HS3ST3A1: variants seen among roughly 807,000 people sequenced by gnomAD.
HS3ST3A1 encodes the protein heparan sulfate glucosamine 3-O-sulfotransferase 3A1.
Under a neutral mutation model 25.7 loss-of-function variants are expected in HS3ST3A1, and 19 were observed. That is an observed-to-expected ratio of 0.74 (90% CI 0.52 to 1.08). HS3ST3A1 has a LOEUF of 1.08. HS3ST3A1 is among the 50% of genes least tolerant of loss of function. The pLI is 0.00. For synonymous variants in HS3ST3A1, 226 were observed against 278.6 expected, an observed-to-expected ratio of 0.81 and a Z score of 1.88; for missense variants, 459 against 594.3, an observed-to-expected ratio of 0.77 and a Z score of 2.37.
At chr17:13,520,885 C>G (rs1906213344) in intron 1 of HS3ST3A1, among the ~76,000 whole-genome samples, 4 of 152,020 alleles carry the variant, frequency 2.6e-5, no homozygotes, top group Admixed American at 1.3e-4. Context: ...GTGGTGGGAT[C>G]ATTTAGATTT....
rs1319074484 is a variant in HS3ST3A1, at chr17:13,494,216, T to C, written c.*1981A>G. Among the ~76,000 whole-genome samples the C allele has an allele frequency of 6.6e-6, 1 of 152,214 alleles. No individual in the cohort carries two copies. Among genetic ancestry groups the C allele is most frequent in the Admixed American group, 6.5e-5 (1 of 15,278 alleles). On this transcript the variant is annotated 3_prime_UTR_variant, in exon 2 of 2. Coordinates refer to ENST00000284110, the MANE Select transcript of HS3ST3A1 (RefSeq NM_006042.3). ...ACAAGAGTTTAAAATGAGTATCTTG[T>C]TGCAGCTAGTGATTCAAGTAGAATA...
chr17:13,596,417 G>T (rs936307180), intron 1 of HS3ST3A1, among the ~76,000 whole-genome samples: 2 of 36,856 alleles, frequency 5.4e-5, no homozygotes, highest in Non-Finnish European at 5.7e-5. Flanking sequence ...GTGCGCGTGC[G>T]TACACACACA....
chr17:13,545,335 T>C (rs1907055855), intron 1 of HS3ST3A1, among the ~76,000 whole-genome samples: 1 of 152,236 alleles, frequency 6.6e-6, no homozygotes, highest in Admixed American at 6.5e-5. Flanking sequence ...ACATCAGTGC[T>C]CATTCCACAG....
intron 1 of HS3ST3A1, among the ~76,000 whole-genome samples, chr17:13,573,333 G>A (rs954836982): frequency 6.6e-6 from 1 of 152,008 alleles, no homozygotes; most frequent in Admixed American, 6.6e-5. Context: ...CTTCCAAGCA[G>A]AGCATTCCAA....
chr17:13,587,398 G>A (rs1291901082), intron 1 of HS3ST3A1, among the ~76,000 whole-genome samples: 3 of 152,232 alleles, frequency 2.0e-5, no homozygotes, highest in Admixed American at 6.5e-5. Context: ...AGGTTGCAAT[G>A]AGCTGATATC....
chr17:13,593,286 C>A (rs537404713), intron 1 of HS3ST3A1, among the ~76,000 whole-genome samples: 32 of 148,850 alleles, frequency 2.1e-4, no homozygotes, highest in Non-Finnish European at 4.5e-4. Flanking sequence ...TCCTCTGACC[C>A]TTATTTTAGT....
Position 13,550,964 on chromosome 17 carries a change from G to A in HS3ST3A1, c.599+49567C>T, listed in dbSNP as rs1333806498. Among the ~76,000 whole-genome samples, 7 of 151,900 alleles carry A rather than the reference G, an allele frequency of 4.6e-5. No homozygotes were observed. In the East Asian group the frequency reaches 9.7e-4, roughly 21 times the overall value. On this transcript the variant is annotated intron_variant, in intron 1 of 1. Coordinates refer to ENST00000284110, the MANE Select transcript of HS3ST3A1 (RefSeq NM_006042.3). ...TGCCTGTAGCCCCAGCTACTGGGGA[G>A]GCTGAGGCAGGAGAATGGCATGAAC...
In HS3ST3A1 at chr17:13,601,080, A is replaced by G. The variant is rs1236800398; in HGVS notation, c.50T>C (p.Leu17Pro). 63 of 1,595,882 alleles carry G rather than the reference A, an allele frequency of 3.9e-5. No individual in the cohort carries two copies. Among genetic ancestry groups the G allele is most frequent in the East Asian group, 7.0e-5 (3 of 43,158 alleles). ...ASALSTSAEP[L>P]SRSIFRKFLL... Reference sequence around the variant, plus strand: ...GAACTTCCGGAAGATGCTGCGGGACAGCGGCTCGGCCGAGGTGGAGAGGGC... The same window carrying G: ...GAACTTCCGGAAGATGCTGCGGGACGGCGGCTCGGCCGAGGTGGAGAGGGC... The change falls in exon 1 of 2, where the codon CTG becomes CCG. Residue 17 changes from leucine (L) to proline (P), a missense_variant. Physicochemically the swap from Leu to Pro is moderately conservative, Grantham distance 98. Coordinates refer to ENST00000284110, the MANE Select transcript of HS3ST3A1 (RefSeq NM_006042.3).
chr17:13,515,272 G>A lies in HS3ST3A1; in HGVS notation c.600-18454C>T, dbSNP rs139299072. Among the ~76,000 whole-genome samples, 1,185 of 152,214 alleles carry A rather than the reference G, an allele frequency of 7.8e-3. 22 individuals carry two copies. The highest frequency in any genetic ancestry group is 0.027 in the African/African-American group (1,103 of 41,530). Reference sequence around the variant, plus strand: ...CCTCTTGGGTTCAGGCGATTCTCCCGCCTCAGCTTCCCGAGTAGCTGGCAT... The same window carrying A: ...CCTCTTGGGTTCAGGCGATTCTCCCACCTCAGCTTCCCGAGTAGCTGGCAT... On this transcript the variant is annotated intron_variant, in intron 1 of 1. Coordinates refer to ENST00000284110, the MANE Select transcript of HS3ST3A1 (RefSeq NM_006042.3).
chr17:13,532,615 G>A (rs1035843286), intron 1 of HS3ST3A1, among the ~76,000 whole-genome samples: 1 of 152,012 alleles, frequency 6.6e-6, no homozygotes, highest in African/African-American at 2.4e-5. Context: ...CAAGCAAGAT[G>A]GGTATTAGGA....
rs1567605519 is a variant in HS3ST3A1, at chr17:13,494,432, GCTTCTCAAGAAATATTTA to G, written c.*1747_*1764del. Among the ~76,000 whole-genome samples, 4 of 152,166 alleles carry G rather than the reference GCTTCTCAAGAAATATTTA, an allele frequency of 2.6e-5. No homozygotes were observed. The highest frequency in any genetic ancestry group is 4.8e-5 in the African/African-American group (2 of 41,440). Reference sequence around the variant, plus strand: ...TTCCTTCATTTTAATCCTGTGTTAAGCTTCTCAAGAAATATTTACATCACCTAATGCAGCAGCTATGGT... The same window carrying G: ...TTCCTTCATTTTAATCCTGTGTTAAGCATCACCTAATGCAGCAGCTATGGT... On this transcript the variant is annotated 3_prime_UTR_variant, in exon 2 of 2. Coordinates refer to ENST00000284110, the MANE Select transcript of HS3ST3A1 (RefSeq NM_006042.3).
intron 1 of HS3ST3A1, among the ~76,000 whole-genome samples, chr17:13,562,897 C>T (rs897609851): frequency 6.6e-6 from 1 of 152,000 alleles, no homozygotes; most frequent in African/African-American, 2.4e-5. Flanking sequence ...CTTTTGTTGC[C>T]TGGAAGGCCC....
intron 1 of HS3ST3A1, among the ~76,000 whole-genome samples, chr17:13,577,074 A>G (rs1465542116): frequency 1.3e-5 from 2 of 152,220 alleles, no homozygotes; most frequent in Non-Finnish European, 2.9e-5. Flanking sequence ...GGGCGTGTGC[A>G]GGGGAACTCC....
chr17:13,497,044 A>G (rs1053251875), intron 1 of HS3ST3A1, among the ~76,000 whole-genome samples: 1 of 152,330 alleles, frequency 6.6e-6, no homozygotes, highest in Non-Finnish European at 1.5e-5. Context: ...TGATGATTAA[A>G]TGAGTTAATA....
chr17:13,580,170 T>C (rs556941545), intron 1 of HS3ST3A1, among the ~76,000 whole-genome samples: 1 of 151,764 alleles, frequency 6.6e-6, no homozygotes, highest in Admixed American at 6.6e-5. Context: ...AATTCACAGA[T>C]TAAAAAAACC....
intron 1 of HS3ST3A1, among the ~76,000 whole-genome samples, chr17:13,510,715 T>C (rs986319435): frequency 2.0e-5 from 3 of 152,004 alleles, no homozygotes; most frequent in Non-Finnish European, 4.4e-5. Flanking sequence ...TTGATTTTTT[T>C]TTTTTTTTAT....
At chr17:13,510,253 C>A (rs1905816335) in intron 1 of HS3ST3A1, among the ~76,000 whole-genome samples, 1 of 152,154 alleles carries the variant, frequency 6.6e-6, no homozygotes, top group African/African-American at 2.4e-5. Flanking sequence ...GCTGTGCTAT[C>A]GGCTTTTGTG....
intron 1 of HS3ST3A1, among the ~76,000 whole-genome samples, chr17:13,554,153 CCT>C (rs1491499970): frequency 1.3e-5 from 2 of 152,140 alleles, no homozygotes; most frequent in Non-Finnish European, 2.9e-5. Context: ...TTCGATTGTA[CCT>C]TTTTTCTGAG....
At chr17:13,558,926 G>A (rs1907452925) in intron 1 of HS3ST3A1, among the ~76,000 whole-genome samples, 1 of 152,158 alleles carries the variant, frequency 6.6e-6, no homozygotes, top group Non-Finnish European at 1.5e-5. Flanking sequence ...GATTACAATG[G>A]TTTAAGGCTT....
Sources: allele counts gnomAD v4.1 joint callset (sites outside exome capture counted in the v4.1 genomes callset), GRCh38; gene constraint gnomAD v4.1.1; transcripts MANE v1.5; gene names NCBI Gene and HGNC (gene_info 2026-07-23, HGNC 2026-07-21).